Variants in VPS8 observed in about 807,000 individuals in gnomAD.
The protein encoded by VPS8 is VPS8 subunit of CORVET complex.
VPS8 carries 129 observed loss-of-function variants against 216.4 expected under a neutral mutation model. The ratio of observed to expected loss-of-function variants is 0.60; its 90% CI spans 0.52 to 0.69. The LOEUF is 0.69. Ranked by LOEUF, VPS8 falls within the 30% of genes least tolerant of loss-of-function variation. The pLI is 0.00. For missense variants in VPS8, 1,531 were observed against 1,683.5 expected, an observed-to-expected ratio of 0.91 and a Z score of 1.59; for synonymous variants, 571 against 565.4, an observed-to-expected ratio of 1.01 and a Z score of -0.14.
rs6801843 is a variant in VPS8 at position 184,855,868 on chromosome 3, A to G, written c.1143+50A>G. The G allele has an allele frequency of 9.0e-4, 1,262 of 1,409,784 alleles. 16 individuals carry two copies. In the African/African-American group the frequency reaches 0.016, roughly 18 times the overall value. The allele number at this position is 1,409,784 out of a possible 1,614,324, so 87.3% of individuals were successfully genotyped here. A position where few individuals can be genotyped will look rare whatever the true frequency, so the allele number is the denominator to read the frequency against. The stretch of plus-strand genomic sequence containing the variant: ...AAGCCTCTTACAATTTTTTTTATTC[A>G]TCAGCAATTAATAATGTGTCAGAGA... On this transcript the variant is annotated intron_variant, in intron 14 of 47. Coordinates refer to ENST00000625842, the MANE Select transcript of VPS8 (RefSeq NM_001009921.3).
At chr3:185,043,944 C>CT (rs1270779762) in intron 46 of VPS8, among the ~76,000 whole-genome samples, 1 of 152,148 alleles carries the variant, frequency 6.6e-6, no homozygotes, top group Non-Finnish European at 1.5e-5. Flanking sequence ...AATCCCAGCA[C>CT]TTTGGAAGGC....
At chr3:184,847,599 C>T (rs955148657) in intron 8 of VPS8, among the ~76,000 whole-genome samples, 3 of 152,170 alleles carry the variant, frequency 2.0e-5, no homozygotes, top group Admixed American at 6.5e-5. Flanking sequence ...GTTGCGAAAA[C>T]TCCAAGTTGT....
At chr3:184,901,061 G>T in intron 25 of VPS8, 89 bp downstream of exon 25, 8 of 1,122,952 alleles carry the variant, frequency 7.1e-6, no homozygotes, top group Non-Finnish European at 1.1e-5. Flanking sequence ...TATGTGTGCA[G>T]TGTGAATGTT....
At chr3:184,940,067 T>C (rs1742376541) in intron 35 of VPS8, 130 bp from the exon 36 acceptor site, 1 of 333,098 alleles carries the variant, frequency 3.0e-6, no homozygotes, top group African/African-American at 2.1e-5. Flanking sequence ...CTTAGATCTG[T>C]ACAGAGGGCT....
At chr3:184,927,779 G>A (rs1739933963) in intron 31 of VPS8, among the ~76,000 whole-genome samples, 1 of 152,078 alleles carries the variant, frequency 6.6e-6, no homozygotes, top group Admixed American at 6.6e-5. Context: ...CAGTCTCTAT[G>A]AATTTTACTA....
chr3:185,014,510 A>G (rs1276125453), intron 45 of VPS8, among the ~76,000 whole-genome samples: 1 of 151,976 alleles, frequency 6.6e-6, no homozygotes, highest in African/African-American at 2.4e-5. Context: ...TATTTTACCT[A>G]TTTGCCAAGT....
intron 13 of VPS8, among the ~76,000 whole-genome samples, chr3:184,854,763 T>TA (rs1724934905): frequency 6.6e-6 from 1 of 152,226 alleles, no homozygotes; most frequent in Non-Finnish European, 1.5e-5. Flanking sequence ...TTACATGTGC[T>TA]TTCCCTGGCT....
intron 15 of VPS8, among the ~76,000 whole-genome samples, chr3:184,860,384 CGTATATATATGTATGTATACGTATATAT>C (rs1201951763): frequency 1.4e-5 from 2 of 146,102 alleles, no homozygotes; most frequent in African/African-American, 5.0e-5. Context: ...TATATATATA[CGTATATATATGTATGTATACGTATATAT>C]GTATATATAT....
At chr3:184,821,621 G>A (rs1717612481) in intron 1 of VPS8, among the ~76,000 whole-genome samples, 1 of 152,110 alleles carries the variant, frequency 6.6e-6, no homozygotes, top group Non-Finnish European at 1.5e-5. Flanking sequence ...AAAGTGCTAG[G>A]ATTACAGGTG....
chr3:185,019,897 A>G (rs1226820282), intron 45 of VPS8, among the ~76,000 whole-genome samples: 2 of 152,244 alleles, frequency 1.3e-5, no homozygotes, highest in African/African-American at 4.8e-5. Flanking sequence ...GGTTCAGGCC[A>G]GGTTTTGCTG....
intron 46 of VPS8, among the ~76,000 whole-genome samples, chr3:185,039,965 C>T (rs148985130): frequency 8.5e-5 from 13 of 152,184 alleles, no homozygotes; most frequent in Non-Finnish European, 1.6e-4. Flanking sequence ...TTCTGTTAGT[C>T]GTAGATTGTT....
At chr3:185,031,902 G>A (rs549421887) in intron 46 of VPS8, among the ~76,000 whole-genome samples, 37 of 152,250 alleles carry the variant, frequency 2.4e-4, no homozygotes, top group Non-Finnish European at 4.3e-4. Flanking sequence ...GATGGCTGAC[G>A]CCTGTAATCC....
chr3:184,999,928 C>G, intron 45 of VPS8, 67 bp downstream of exon 45: 2 of 1,495,624 alleles, frequency 1.3e-6, no homozygotes, highest in Non-Finnish European at 1.8e-6. Context: ...GGCCTGGTCT[C>G]ATTTCCTTCG....
chr3:184,996,294 C>G, intron 43 of VPS8, 38 bp from the exon 44 acceptor site: 5 of 1,565,142 alleles, frequency 3.2e-6, no homozygotes, highest in Non-Finnish European at 4.3e-6. Context: ...CATCTTATAA[C>G]CTTTTGTTTG....
chr3:184,866,930 A>G lies in VPS8; in HGVS notation c.1450A>G (p.Ile484Val). ...ATCCATCAGTAGCTATGGTGGTCAG[A>G]TCTTTTATTTGGGGACAAAAGTAAG... ...YQSISSYGGQ[I>V]FYLGTKSVYV... is the part of the protein sequence containing the mutation. Residue 484 changes from isoleucine (I) to valine (V), a missense_variant, in exon 17 of 48, where the codon ATC becomes GTC. By Grantham distance (29) the Ile-to-Val change is conservative. Around this residue, in one of 3 missense-constraint regions of VPS8, gnomAD observed 1,318 missense variants for 1,468.4 expected, o/e 0.90. Transcript: ENST00000625842. 2 of 1,613,262 alleles carry G rather than the reference A, an allele frequency of 1.2e-6. No individual in the cohort carries two copies. The highest frequency in any genetic ancestry group is 1.1e-5 in the South Asian group (1 of 90,922).
rs373632644 is a variant in VPS8, at chr3:185,052,038, G to C, written c.*13G>C. 1.2e-6 allele frequency: 2 copies of C among 1,606,926 alleles called. No individual in the cohort carries two copies. Among genetic ancestry groups the C allele is most frequent in the Non-Finnish European group, 1.7e-6 (2 of 1,176,976 alleles). On this transcript the variant is annotated 3_prime_UTR_variant, in exon 48 of 48. Transcript: ENST00000625842. ...GACTGAGGATTGATGACTCCATGGA[G>C]CCTGGCCCAGGAGAACCAGAGATGA... is the stretch of plus-strand genomic sequence containing the variant.
intron 29 of VPS8, among the ~76,000 whole-genome samples, chr3:184,920,577 G>A (rs946619488): frequency 2.6e-5 from 4 of 152,162 alleles, no homozygotes; most frequent in Admixed American, 6.5e-5. Flanking sequence ...AGGCAGTGCC[G>A]TATTCTATCA....
At chr3:185,036,196 TTTAC>T (rs1214215530) in intron 46 of VPS8, among the ~76,000 whole-genome samples, 1 of 152,160 alleles carries the variant, frequency 6.6e-6, no homozygotes, top group Admixed American at 6.5e-5. Flanking sequence ...CCCAAAGCAA[TTTAC>T]AGTCAGTGCT....
intron 46 of VPS8, among the ~76,000 whole-genome samples, chr3:185,037,132 G>A (rs1039298155): frequency 6.7e-5 from 10 of 150,198 alleles, no homozygotes; most frequent in Admixed American, 4.7e-4. Context: ...CAAAGAAATT[G>A]CATTAGTAGT....
Sources: gnomAD v4.1 joint callset for allele counts (sites outside exome capture counted in the v4.1 genomes callset) on GRCh38, gnomAD v4.1.1 for gene constraint, gnomAD v4.1.1 regional missense constraint, MANE v1.5 for transcripts, NCBI Gene and HGNC (gene_info 2026-07-23, HGNC 2026-07-21) for gene names.